Variants in HAUS1 observed in about 807,000 individuals in gnomAD.
HAUS1 encodes HAUS augmin like complex subunit 1.
Under a neutral mutation model 38.6 loss-of-function variants are expected in HAUS1, and 25 were observed. The observed-to-expected ratio is 0.65, with a 90% confidence interval of 0.47 to 0.91. HAUS1 has a LOEUF of 0.91. HAUS1 is among the 40% of genes least tolerant of loss of function. The pLI is 0.00. For synonymous variants in HAUS1, 109 were observed against 112.9 expected (o/e 0.97, Z 0.22); for missense variants, 325 against 328.4 (o/e 0.99, Z 0.08).
At chr18:46,124,435 A>AC (rs1912040683) in intron 6 of HAUS1, among the ~76,000 whole-genome samples, 1 of 148,096 alleles carries the variant, frequency 6.8e-6, no homozygotes, top group Admixed American at 6.7e-5. Context: ...AAAAAAAAAA[A>AC]ATTAGCCAGG....
At chr18:46,106,468 C>CAA (rs1158577669) in intron 2 of HAUS1, among the ~76,000 whole-genome samples, 1 of 105,122 alleles carries the variant, frequency 9.5e-6, no homozygotes, top group Non-Finnish European at 1.9e-5. Flanking sequence ...GACTCCGTCT[C>CAA]AAAAAAAAAA....
chr18:46,109,455 T>C (rs1911563338), intron 2 of HAUS1, among the ~76,000 whole-genome samples: 1 of 152,174 alleles, frequency 6.6e-6, no homozygotes, highest in Non-Finnish European at 1.5e-5. Flanking sequence ...TGATTTCTCA[T>C]TTCATTTCAT....
In HAUS1 at chr18:46,109,346, G is replaced by C. The variant is rs113003383; in HGVS notation, c.205+3978G>C. Among the ~76,000 whole-genome samples, 884 of 152,232 alleles carry C rather than the reference G, an allele frequency of 5.8e-3. 19 individuals are homozygous for C. Among genetic ancestry groups the C allele is most frequent in the Admixed American group, 0.033 (505 of 15,288 alleles). On this transcript the variant is annotated intron_variant, in intron 2 of 8. Transcript: ENST00000282058. ...TCACCTTCCATCAGTCCCCTCCCCT[G>C]ACACGTGGGGATTACAATTCAACAT...
At position 46,118,410 on chromosome 18, in the gene HAUS1, G is replaced by C; in HGVS notation, c.341+94G>C. 3.2e-6 allele frequency: 4 copies of C among 1,235,020 alleles called. No individual in the cohort carries two copies. The South Asian group carries it at 5.5e-5, about 17-fold the overall frequency. The allele number at this position is 1,235,020 out of a possible 1,614,324, so 76.5% of individuals were successfully genotyped here. A position where few individuals can be genotyped will look rare whatever the true frequency, so the allele number is the denominator to read the frequency against. ...CAGCATAATTCTATATGAAAAATTG[G>C]CAATAAATACAAAGCACTGAATTTA... On this transcript the variant is annotated intron_variant, in intron 3 of 8. Transcript: ENST00000282058.
rs556727478 is a variant in HAUS1, at chr18:46,111,545, C to T, written c.205+6177C>T. Among the ~76,000 whole-genome samples, 403 of 152,228 alleles carry T rather than the reference C, an allele frequency of 2.6e-3. 2 individuals are homozygous for T. Among genetic ancestry groups the T allele is most frequent in the Middle Eastern group, 6.8e-3 (2 of 294 alleles). On this transcript the variant is annotated intron_variant, in intron 2 of 8. Coordinates refer to ENST00000282058, the MANE Select transcript of HAUS1 (RefSeq NM_138443.4). ...CCATGTTGGCCAGACTGGTTTTGAA[C>T]TCCTGGCCTCAAGGGATCCTCCCAC...
At chr18:46,116,440 A>T (rs1439110302) in intron 2 of HAUS1, among the ~76,000 whole-genome samples, 1 of 151,908 alleles carries the variant, frequency 6.6e-6, no homozygotes, top group African/African-American at 2.4e-5. Flanking sequence ...GCACACCTGT[A>T]GTCTCAGCTA....
intron 2 of HAUS1, among the ~76,000 whole-genome samples, chr18:46,105,592 G>GTGTATATA (rs796714516): frequency 6.9e-6 from 1 of 144,936 alleles, no homozygotes; most frequent in African/African-American, 2.6e-5. Flanking sequence ...GTGTGTGTGT[G>GTGTATATA]TATATATTTT....
At chr18:46,105,395 G>A (rs2144240217) in intron 2 of HAUS1, 27 bp downstream of exon 2, 1 of 1,591,242 alleles carries the variant, frequency 6.3e-7, no homozygotes. Flanking sequence ...AGTTTTGAAC[G>A]AGAATAAATA....
At chr18:46,126,658 T>C (rs1291629767) in intron 8 of HAUS1, 1 of 151,450 alleles carries the variant, frequency 6.6e-6, no homozygotes, top group Non-Finnish European at 1.5e-5. Flanking sequence ...AGAATCTTGC[T>C]CTGTCCTCCA....
intron 2 of HAUS1, 133 bp from the exon 3 acceptor site, chr18:46,118,048 C>T (rs1211417578): frequency 2.7e-6 from 2 of 752,204 alleles, no homozygotes; most frequent in Non-Finnish European, 4.4e-6. Flanking sequence ...GATGGGGATA[C>T]AACTAAAAGC....
At chr18:46,115,688 A>T (rs1030614985) in intron 2 of HAUS1, among the ~76,000 whole-genome samples, 1 of 152,208 alleles carries the variant, frequency 6.6e-6, no homozygotes, top group African/African-American at 2.4e-5. Context: ...ACAAAGGTAT[A>T]TACCCTTGTA....
At chr18:46,116,625 T>C (rs1477313258) in intron 2 of HAUS1, among the ~76,000 whole-genome samples, 1 of 151,408 alleles carries the variant, frequency 6.6e-6, no homozygotes. Flanking sequence ...AATTTTAAAA[T>C]GGGCAAGGGG....
At chr18:46,122,671 C>T in intron 5 of HAUS1, 81 bp downstream of exon 5, 4 of 1,494,930 alleles carry the variant, frequency 2.7e-6, no homozygotes, top group Non-Finnish European at 3.7e-6. Flanking sequence ...CATTATTATT[C>T]CCTTTTTACA....
chr18:46,120,087 C>T lies in HAUS1; in HGVS notation c.476+27C>T, dbSNP rs77941167. On this transcript the variant is annotated intron_variant, in intron 4 of 8. Transcript: ENST00000282058. ...TAAGTAATTGAGTTCAGAGTGGTGA[C>T]AATTTATAAATAAGGGAGTAATAGG... is the stretch of plus-strand genomic sequence containing the variant. 5.1e-3 allele frequency: 7,745 copies of T among 1,512,098 alleles called. 24 individuals are homozygous for T. The highest frequency in any genetic ancestry group is 6.4e-3 in the Non-Finnish European group (7,161 of 1,112,640). The allele number at this position is 1,512,098 out of a possible 1,614,324, so 93.7% of individuals were successfully genotyped here. A position where few individuals can be genotyped will look rare whatever the true frequency, so the allele number is the denominator to read the frequency against.
At chr18:46,119,508 G>T (rs556530330) in intron 3 of HAUS1, among the ~76,000 whole-genome samples, 7 of 150,526 alleles carry the variant, frequency 4.7e-5, no homozygotes, top group Admixed American at 4.6e-4. Flanking sequence ...ATTATGTTTT[G>T]TGCCTTCTTA....
intron 1 of HAUS1, among the ~76,000 whole-genome samples, chr18:46,104,747 G>A (rs1280752545): frequency 6.8e-6 from 1 of 147,936 alleles, no homozygotes; most frequent in Non-Finnish European, 1.5e-5. Flanking sequence ...TCGCTGCTCA[G>A]CCCGGCGGCT....
At chr18:46,115,485 A>G (rs1911775603) in intron 2 of HAUS1, among the ~76,000 whole-genome samples, 1 of 142,332 alleles carries the variant, frequency 7.0e-6, no homozygotes, top group African/African-American at 2.6e-5. Context: ...AAAATTAGCC[A>G]GGGGTGGTGG....
chr18:46,107,618 T>C (rs1316347394), intron 2 of HAUS1, among the ~76,000 whole-genome samples: 1 of 152,212 alleles, frequency 6.6e-6, no homozygotes, highest in Non-Finnish European at 1.5e-5. Flanking sequence ...TTATAACAAG[T>C]GTACATTGAT....
At chr18:46,111,484 G>A (rs1213456368) in intron 2 of HAUS1, among the ~76,000 whole-genome samples, 1 of 152,036 alleles carries the variant, frequency 6.6e-6, no homozygotes, top group African/African-American at 2.4e-5. Context: ...ACCACACCTG[G>A]CTAATTTTTG....
Sources: allele counts gnomAD v4.1 joint callset (sites outside exome capture counted in the v4.1 genomes callset), GRCh38; gene constraint gnomAD v4.1.1; transcripts MANE v1.5; gene names NCBI Gene and HGNC (gene_info 2026-07-23, HGNC 2026-07-21).